PRKCQ: variants seen among roughly 807,000 people sequenced by gnomAD.
PRKCQ encodes protein kinase C theta, also known as protein kinase C theta type.
PRKCQ carries 41 observed loss-of-function variants against 91.2 expected under a neutral mutation model. That is an observed-to-expected ratio of 0.45 (90% CI 0.35 to 0.58). The LOEUF is 0.58. Among genes scored for constraint, PRKCQ ranks in the 20% least tolerant of loss-of-function variants. The pLI, the probability that PRKCQ is intolerant of heterozygous loss-of-function variation, is 0.00. For missense variants in PRKCQ, 673 were observed against 896.5 expected (o/e 0.75, Z 3.18); for synonymous variants, 307 against 316.9 (o/e 0.97, Z 0.33).
At position 6,483,617 on chromosome 10, in the gene PRKCQ, G is replaced by C; in HGVS notation, c.1019-17C>G. On this transcript the variant is annotated splice_polypyrimidine_tract_variant and intron_variant, in intron 10 of 17. Coordinates refer to ENST00000263125, the MANE Select transcript of PRKCQ (RefSeq NM_006257.5). ...CCTGAGGCTCTGAAAATGCAAGCTG[G>C]TGGTTAAAAATGAACATGGAGTAAT... 6.2e-7 allele frequency: 1 copy of C among 1,612,726 alleles called. No individual in the cohort carries two copies. Among genetic ancestry groups the C allele is most frequent in the Non-Finnish European group, 8.5e-7 (1 of 1,179,522 alleles).
intron 16 of PRKCQ, among the ~76,000 whole-genome samples, chr10:6,434,225 C>T (rs541661541): frequency 5.5e-4 from 83 of 152,164 alleles, no homozygotes; most frequent in African/African-American, 2.0e-3. Flanking sequence ...TAATGAGATG[C>T]TTCAGCAAAG....
chr10:6,472,087 T>C (rs1836005217), intron 12 of PRKCQ, among the ~76,000 whole-genome samples: 1 of 152,092 alleles, frequency 6.6e-6, no homozygotes, highest in Non-Finnish European at 1.5e-5. Context: ...GGTGGGTGTA[T>C]CACAAGGTCA....
At chr10:6,557,162 C>G (rs1051668326) in intron 1 of PRKCQ, among the ~76,000 whole-genome samples, 2 of 152,212 alleles carry the variant, frequency 1.3e-5, no homozygotes, top group Non-Finnish European at 2.9e-5. Context: ...CCTTCACCAA[C>G]CAGCTTCCTG....
intron 12 of PRKCQ, among the ~76,000 whole-genome samples, chr10:6,475,503 C>A (rs1282996141): frequency 6.6e-6 from 1 of 152,178 alleles, no homozygotes; most frequent in African/African-American, 2.4e-5. Flanking sequence ...TAATTAATAA[C>A]AAGTGAATAC....
intron 1 of PRKCQ, among the ~76,000 whole-genome samples, chr10:6,568,500 CTT>C (rs201701542): frequency 8.6e-5 from 12 of 139,044 alleles, no homozygotes; most frequent in African/African-American, 3.0e-4. Context: ...TTAGCTTAAC[CTT>C]TTTTTTTTTT....
At chr10:6,396,136 A>G in the PRKCQ span, among the ~76,000 whole-genome samples, 1 of 152,192 alleles carries the variant, frequency 6.6e-6, no homozygotes, top group African/African-American at 2.4e-5. Flanking sequence ...TAAATAGATA[A>G]TAAATGTAAA....
At chr10:6,404,956 A>C in the PRKCQ span, among the ~76,000 whole-genome samples, 79 of 139,638 alleles carry the variant, frequency 5.7e-4, no homozygotes, top group African/African-American at 2.1e-3. Flanking sequence ...CCTTCCTTCT[A>C]TCCTTCCTTC....
At chr10:6,512,342 G>A (rs567238733) in intron 2 of PRKCQ, among the ~76,000 whole-genome samples, 3 of 152,344 alleles carry the variant, frequency 2.0e-5, no homozygotes, top group East Asian at 1.9e-4. Flanking sequence ...GGCTGAAGCC[G>A]ACTGCCAGCC....
chr10:6,428,939 GTTTTCA>G (rs1444210852), intron 17 of PRKCQ, among the ~76,000 whole-genome samples: 1 of 152,166 alleles, frequency 6.6e-6, no homozygotes, highest in Non-Finnish European at 1.5e-5. Flanking sequence ...TGGTCCATTG[GTTTTCA>G]TGGCAAAAAA....
chr10:6,447,996 A>T (rs1484130848), intron 15 of PRKCQ, among the ~76,000 whole-genome samples: 3 of 152,164 alleles, frequency 2.0e-5, no homozygotes, highest in East Asian at 3.9e-4. Context: ...AGAAAACTTC[A>T]CCAAGTGGAT....
chr10:6,500,728 G>A (rs1265267367), intron 4 of PRKCQ, among the ~76,000 whole-genome samples: 1 of 151,770 alleles, frequency 6.6e-6, no homozygotes, highest in East Asian at 1.9e-4. Context: ...TATACTAATG[G>A]ATTCTAATCT....
At chr10:6,397,388 C>T in the PRKCQ span, among the ~76,000 whole-genome samples, 1 of 147,404 alleles carries the variant, frequency 6.8e-6, no homozygotes, top group African/African-American at 2.4e-5. Flanking sequence ...GCCACCATGT[C>T]CGACCCCTTT....
At chr10:6,538,592 C>T (rs1189961412) in intron 1 of PRKCQ, among the ~76,000 whole-genome samples, 1 of 152,156 alleles carries the variant, frequency 6.6e-6, no homozygotes, top group African/African-American at 2.4e-5. Flanking sequence ...ATAATGGGGG[C>T]CTTTCCTTGC....
chr10:6,469,423 G>A (rs1472518121), intron 12 of PRKCQ, among the ~76,000 whole-genome samples: 1 of 152,174 alleles, frequency 6.6e-6, no homozygotes, highest in Non-Finnish European at 1.5e-5. Flanking sequence ...GAGGTCCTGG[G>A]GAGTAGTTTA....
chr10:6,570,711 C>T (rs938751963), intron 1 of PRKCQ, among the ~76,000 whole-genome samples: 4 of 152,054 alleles, frequency 2.6e-5, no homozygotes, highest in South Asian at 2.1e-4. Context: ...TGCGCCAGCA[C>T]GCCTGGCTAA....
At chr10:6,577,244 ACAGAG>A (rs748229598) in intron 1 of PRKCQ, among the ~76,000 whole-genome samples, 5 of 152,232 alleles carry the variant, frequency 3.3e-5, no homozygotes, top group Non-Finnish European at 5.9e-5. Context: ...TGTTTAGATG[ACAGAG>A]CAATCAGAAT....
chr10:6,463,429 T>C (rs1835465442), intron 13 of PRKCQ, among the ~76,000 whole-genome samples: 1 of 152,134 alleles, frequency 6.6e-6, no homozygotes, highest in South Asian at 2.1e-4. Context: ...CTTTCCGGCA[T>C]GAAAAATGCC....
chr10:6,394,311 C>T, the PRKCQ span, among the ~76,000 whole-genome samples: 1 of 152,194 alleles, frequency 6.6e-6, no homozygotes, highest in Admixed American at 6.5e-5. Flanking sequence ...CACCTGGCGC[C>T]TCTGCAGTCT....
intron 1 of PRKCQ, among the ~76,000 whole-genome samples, chr10:6,519,212 A>G (rs191795147): frequency 1.0e-3 from 153 of 152,322 alleles, no homozygotes; most frequent in Non-Finnish European, 1.8e-3. Flanking sequence ...ACCAGAAATG[A>G]GAGTTTCTGT....
Sources: allele counts gnomAD v4.1 joint callset (sites outside exome capture counted in the v4.1 genomes callset), GRCh38; gene constraint gnomAD v4.1.1; transcripts MANE v1.5; gene names NCBI Gene and HGNC (gene_info 2026-07-23, HGNC 2026-07-21).